The following PTPRF variants were observed in gnomAD, a reference collection of about 807,000 sequenced individuals.
The protein encoded by PTPRF is receptor-type tyrosine-protein phosphatase F.
In PTPRF, 59 loss-of-function variants were observed where a neutral mutation model predicts 201.8. The observed-to-expected ratio is 0.29, with a 90% confidence interval of 0.24 to 0.36. The LOEUF (loss-of-function observed/expected upper bound fraction) is 0.36, where lower values mean the gene tolerates loss of function less well. Among genes scored for constraint, PTPRF ranks in the 10% least tolerant of loss-of-function variants. PTPRF has a pLI of 1.00. For missense variants in PTPRF, 2,132 were observed against 2,690.5 expected (o/e 0.79, Z 4.59); for synonymous variants, 1,088 against 1,089.7 (o/e 1.00, Z 0.03).
chr1:43,574,815 A>G (rs1371050634), intron 6 of PTPRF, among the ~76,000 whole-genome samples: 3 of 152,196 alleles, frequency 2.0e-5, no homozygotes, highest in African/African-American at 7.2e-5. Context: ...TCCTGTGGGC[A>G]GGCTATGAGT....
intron 6 of PTPRF, among the ~76,000 whole-genome samples, chr1:43,570,787 G>A (rs894048830): frequency 1.3e-5 from 2 of 152,270 alleles, no homozygotes; most frequent in Admixed American, 6.5e-5. Flanking sequence ...GACAGCCCAC[G>A]AAGTGTTAGC....
Position 43,574,209 on chromosome 1 carries a change from T to G in PTPRF, c.568+4431T>G, listed in dbSNP as rs191067845. Among the ~76,000 whole-genome samples the G allele has an allele frequency of 3.1e-3, 464 of 152,010 alleles. 1 individual carries two copies. Among genetic ancestry groups the G allele is most frequent in the Non-Finnish European group, 4.8e-3 (327 of 67,968 alleles). On this transcript the variant is annotated intron_variant, in intron 6 of 33. Transcript: ENST00000359947. ...CAGGGTTTCACCATGTTGGTCAGAC[T>G]GGTCTTGAACTCCGAACCTCGGGTG...
chr1:43,531,617 C>T (rs1251547027), intron 1 of PTPRF, among the ~76,000 whole-genome samples: 4 of 149,852 alleles, frequency 2.7e-5, no homozygotes, highest in African/African-American at 9.8e-5. Flanking sequence ...GGGTCTCGCT[C>T]GCGGCCCCGG....
upstream of PTPRF, among the ~76,000 whole-genome samples, chr1:43,523,354 T>C (rs1422642207): frequency 6.6e-6 from 1 of 152,016 alleles, no homozygotes; most frequent in Non-Finnish European, 1.5e-5. Context: ...CTCAATGCTG[T>C]AGGCATGGAT....
intron 6 of PTPRF, among the ~76,000 whole-genome samples, chr1:43,578,285 C>T (rs982286317): frequency 1.3e-5 from 2 of 152,106 alleles, no homozygotes; most frequent in Admixed American, 6.5e-5. Flanking sequence ...GTGCTGGGAG[C>T]AGAGGCTGCT....
upstream of PTPRF, among the ~76,000 whole-genome samples, chr1:43,522,148 C>T (rs894682339): frequency 7.2e-5 from 11 of 152,202 alleles, no homozygotes; most frequent in Non-Finnish European, 1.3e-4. Context: ...TTGCCAGTTT[C>T]CCCCAGGAAC....
At chr1:43,565,316 C>T (rs1328817601) in intron 5 of PTPRF, among the ~76,000 whole-genome samples, 1 of 152,204 alleles carries the variant, frequency 6.6e-6, no homozygotes, top group African/African-American at 2.4e-5. Context: ...CGTCTTCTGC[C>T]CATGGGGCAA....
In PTPRF at chr1:43,588,633, CTCTGA is replaced by C; in HGVS notation, c.680-97_680-93del. On this transcript the variant is annotated intron_variant, in intron 7 of 33. Coordinates refer to ENST00000359947, the MANE Select transcript of PTPRF (RefSeq NM_002840.5). This position sits in a 1 kb window ranked among gnomAD's most constrained non-coding sequence, Gnocchi z 5.3. ...CTCCTGTCTCTGAGCATGGGTTTGG[CTCTGA>C]CCAGAGGGGCTTCCTGAATGAGGGG... 6.7e-7 allele frequency: 1 copy of C among 1,495,760 alleles called. No individual in the cohort carries two copies. The highest frequency in any genetic ancestry group is 1.9e-5 in the Admixed American group (1 of 53,400). The allele number at this position is 1,495,760 out of a possible 1,614,324, so 92.7% of individuals were successfully genotyped here.
chr1:43,540,962 G>C (rs1429254378), intron 2 of PTPRF, among the ~76,000 whole-genome samples: 1 of 152,274 alleles, frequency 6.6e-6, no homozygotes, highest in Non-Finnish European at 1.5e-5. Flanking sequence ...GGCCGCTGCT[G>C]CAGTGCCACG....
intron 23 of PTPRF, among the ~76,000 whole-genome samples, chr1:43,614,380 C>T (rs1570675525): frequency 6.6e-6 from 1 of 152,198 alleles, no homozygotes; most frequent in South Asian, 2.1e-4. Flanking sequence ...GTACAAGTCC[C>T]GCTTGGAGCC....
intron 13 of PTPRF, among the ~76,000 whole-genome samples, chr1:43,601,763 T>C (rs1653802546): frequency 1.3e-5 from 2 of 152,138 alleles, no homozygotes; most frequent in African/African-American, 4.8e-5. Flanking sequence ...AAGCCCAAAA[T>C]TGTCAGAGCA....
rs762776569 is a variant in PTPRF, at chr1:43,613,711, A to C, written c.4067A>C (p.Tyr1356Ser). Reference protein sequence around the residue: ...ANDGLKFSQEYESIDPGQQFT... With the variant: ...ANDGLKFSQESESIDPGQQFT... ...GATGGCCTCAAGTTCTCCCAGGAGTATGAGGTGAGATGTTCCCGCCCCCTA... is the reference window on the plus strand; with the variant it reads ...GATGGCCTCAAGTTCTCCCAGGAGTCTGAGGTGAGATGTTCCCGCCCCCTA... The change falls in exon 23 of 34, where the codon TAT becomes TCT. Residue 1356 changes from tyrosine (Y) to serine (S), a missense_variant. Physicochemically the swap from Tyr to Ser is moderately radical, Grantham distance 144. Coordinates refer to ENST00000359947, the MANE Select transcript of PTPRF (RefSeq NM_002840.5). The C allele has an allele frequency of 2.5e-6, 4 of 1,613,164 alleles. No homozygotes were observed. The highest frequency in any genetic ancestry group is 3.4e-6 in the Non-Finnish European group (4 of 1,179,130).
chr1:43,539,019 C>T (rs1010519275), intron 2 of PTPRF, among the ~76,000 whole-genome samples: 18 of 152,206 alleles, frequency 1.2e-4, no homozygotes, highest in South Asian at 8.3e-4. Flanking sequence ...ATTGCCCATC[C>T]GTTCATTCTT....
In PTPRF at chr1:43,618,714, G is replaced by C; in HGVS notation, c.4456G>C (p.Ala1486Pro). Residue 1486 changes from alanine (A) to proline (P), a missense_variant, in exon 26 of 34, where the codon GCC becomes CCC. By Grantham distance (27) the Ala-to-Pro change is conservative. Around this residue, in one of 6 missense-constraint regions of PTPRF, gnomAD observed 519 missense variants for 659.5 expected, o/e 0.79. Transcript: ENST00000359947. ...GACCCTGTTGGACACAGTGGAGCTG[G>C]CCACATACACTGTGCGCACCTTCGC... ...QVTLLDTVEL[A>P]TYTVRTFALH... 6.2e-7 allele frequency: 1 copy of C among 1,611,482 alleles called. No individual in the cohort carries two copies. The highest frequency in any genetic ancestry group is 8.5e-7 in the Non-Finnish European group (1 of 1,177,896).
In PTPRF at chr1:43,588,151, G is replaced by A. The variant is rs1016445000; in HGVS notation, c.680-580G>A. Among the ~76,000 whole-genome samples, 1 of 152,184 alleles carries A rather than the reference G, an allele frequency of 6.6e-6. No homozygotes were observed. The highest frequency in any genetic ancestry group is 1.5e-5 in the Non-Finnish European group (1 of 68,030). ...GTTCCCAGGTTGTGCCCTGAGCATGGCTGAGACCCTGGCAGGCGGCCCTGC... is the reference window on the plus strand; with the variant it reads ...GTTCCCAGGTTGTGCCCTGAGCATGACTGAGACCCTGGCAGGCGGCCCTGC... On this transcript the variant is annotated intron_variant, in intron 7 of 33. Coordinates refer to ENST00000359947, the MANE Select transcript of PTPRF (RefSeq NM_002840.5). The surrounding 1 kb of genome is among the most constrained non-coding windows in gnomAD (Gnocchi z 5.3).
chr1:43,568,310 GA>G (rs1646330355), intron 5 of PTPRF, among the ~76,000 whole-genome samples: 2 of 149,500 alleles, frequency 1.3e-5, no homozygotes, highest in African/African-American at 4.9e-5. Flanking sequence ...AAAAAAAAAA[GA>G]AAAAGAAAAT....
At position 43,620,238 on chromosome 1, in the gene PTPRF, C is replaced by T. The variant is rs965820596; in HGVS notation, c.5238+17C>T. ...ATGGGCAGGGTGAGCCCACCCTTTC[C>T]CCCAGGGCCCCTGTCATACCTGGGA... is the stretch of plus-strand genomic sequence containing the variant. On this transcript the variant is annotated intron_variant, in intron 30 of 33. Transcript: ENST00000359947. 1 of 1,613,230 alleles carries T rather than the reference C, an allele frequency of 6.2e-7. No individual in the cohort carries two copies. Among genetic ancestry groups the T allele is most frequent in the Non-Finnish European group, 8.5e-7 (1 of 1,179,468 alleles).
In PTPRF at chr1:43,591,870, C is replaced by A. The variant is rs1232021237; in HGVS notation, c.1590C>A (p.Leu530=). 8 of 1,613,420 alleles carry A rather than the reference C, an allele frequency of 5.0e-6. No individual in the cohort carries two copies. The highest frequency in any genetic ancestry group is 6.8e-6 in the Non-Finnish European group (8 of 1,180,032). ...TGGAGTCGGACACCAGGATCCAGCT[C>A]TCGTGGCTGCTGCCCCCTCAGGAGC... The part of the protein sequence containing the change: ...AEVESDTRIQ[L]SWLLPPQERI... Residue 530 remains leucine (L), a synonymous_variant, in exon 10 of 34, where the codon CTC becomes CTA. Transcript: ENST00000359947.
intron 19 of PTPRF, 101 bp downstream of exon 19, chr1:43,605,723 C>A: frequency 8.6e-7 from 1 of 1,157,048 alleles, no homozygotes; most frequent in Non-Finnish European, 1.3e-6. Flanking sequence ...GATTCACTCC[C>A]CAAATTGAAA....
Sources: allele counts gnomAD v4.1 joint callset (sites outside exome capture counted in the v4.1 genomes callset), GRCh38; gene constraint gnomAD v4.1.1; regional missense constraint gnomAD v4.1.1; non-coding constraint Gnocchi (gnomAD v3.1); transcripts MANE v1.5; gene names NCBI Gene and HGNC (gene_info 2026-07-23, HGNC 2026-07-21).